Variants in PTPRN2 observed in about 807,000 individuals in gnomAD.
PTPRN2 encodes the protein receptor-type tyrosine-protein phosphatase N2.
In PTPRN2, 74 loss-of-function variants were observed where a neutral mutation model predicts 118.8. The observed-to-expected ratio is 0.62, with a 90% confidence interval of 0.52 to 0.76. The LOEUF is 0.76. PTPRN2 is among the 30% of genes least tolerant of loss of function. The probability of loss-of-function intolerance (pLI) is 0.00; values close to 1 mark genes in which losing one functional copy is unlikely to be tolerated. For missense variants in PTPRN2, 1,481 were observed against 1,394.4 expected (o/e 1.06, Z -0.99); for synonymous variants, 641 against 608.0 (o/e 1.05, Z -0.80).
chr7:157,782,191 G>A (rs1377569044), intron 12 of PTPRN2, among the ~76,000 whole-genome samples: 1 of 152,256 alleles, frequency 6.6e-6, no homozygotes, highest in East Asian at 1.9e-4. Flanking sequence ...CGGCCACAGA[G>A]GTGTGCAGTG....
chr7:158,312,000 C>T (rs1801802018), intron 3 of PTPRN2, among the ~76,000 whole-genome samples: 1 of 151,990 alleles, frequency 6.6e-6, no homozygotes, highest in Non-Finnish European at 1.5e-5. Flanking sequence ...CACACATGCA[C>T]ACACACCTGC....
Position 158,587,768 on chromosome 7 carries a change from C to T in PTPRN2, c.-99G>A. 3 of 1,024,708 alleles carry T rather than the reference C, an allele frequency of 2.9e-6. No individual in the cohort carries two copies. Among genetic ancestry groups the T allele is most frequent in the Non-Finnish European group, 3.5e-6 (3 of 855,668 alleles). The allele number at this position is 1,024,708 out of a possible 1,614,324, so 63.5% of individuals were successfully genotyped here. A position where few individuals can be genotyped will look rare whatever the true frequency, so the allele number is the denominator to read the frequency against. On this transcript the variant is annotated 5_prime_UTR_variant, in exon 1 of 23. Coordinates refer to ENST00000389418, the MANE Select transcript of PTPRN2 (RefSeq NM_002847.5). Reference sequence around the variant, plus strand: ...AGGGAGGCGCGCGCCGCCGGCTCCTCCCGCCGCGCCTCTCGCGCTCTTGCG... The same window carrying T: ...AGGGAGGCGCGCGCCGCCGGCTCCTTCCGCCGCGCCTCTCGCGCTCTTGCG...
At chr7:158,341,305 G>A (rs1429922349) in intron 2 of PTPRN2, among the ~76,000 whole-genome samples, 3 of 149,108 alleles carry the variant, frequency 2.0e-5, no homozygotes, top group East Asian at 2.0e-4. Flanking sequence ...GCCCATAGAC[G>A]TCACTCACAC....
chr7:157,653,114 C>G (rs535613900), intron 14 of PTPRN2, among the ~76,000 whole-genome samples: 3 of 152,332 alleles, frequency 2.0e-5, no homozygotes, highest in South Asian at 2.1e-4. Context: ...GCCTGCCCCC[C>G]AGACGGTGCA....
intron 16 of PTPRN2, among the ~76,000 whole-genome samples, chr7:157,602,859 C>T (rs1362229945): frequency 6.6e-6 from 1 of 152,266 alleles, no homozygotes; most frequent in African/African-American, 2.4e-5. Flanking sequence ...AACTTTGGGA[C>T]ACCGTAGGGT....
intron 9 of PTPRN2, among the ~76,000 whole-genome samples, chr7:158,120,173 G>A (rs1311550264): frequency 6.6e-6 from 1 of 152,174 alleles, no homozygotes; most frequent in African/African-American, 2.4e-5. Flanking sequence ...ACAGAGTAGA[G>A]TGAAGGCTGC....
chr7:157,791,330 A>G (rs1259371102), intron 12 of PTPRN2, among the ~76,000 whole-genome samples: 1 of 152,268 alleles, frequency 6.6e-6, no homozygotes, highest in African/African-American at 2.4e-5. Flanking sequence ...GTTTGAAAAC[A>G]GAACAGAACA....
At chr7:158,201,806 C>T (rs1025411958) in intron 4 of PTPRN2, among the ~76,000 whole-genome samples, 2 of 152,134 alleles carry the variant, frequency 1.3e-5, no homozygotes, top group African/African-American at 2.4e-5. Context: ...GCCTGGAAGC[C>T]CCTGCTTTGA....
rs577173890 is a variant in PTPRN2 at position 158,188,735 on chromosome 7, G to A, written c.549+3592C>T. Among the ~76,000 whole-genome samples, 13 of 143,460 alleles carry A rather than the reference G, an allele frequency of 9.1e-5. No individual in the cohort carries two copies. The East Asian group carries it at 1.3e-3, about 14-fold the overall frequency. The allele number at this position is 143,460 out of a possible 152,430, so 94.1% of individuals were successfully genotyped here. ...CTGTAGGGGGAAGGCCGCCACGCTC[G>A]CCGCCTTGTATGGGGAAGGCCGCCA... On this transcript the variant is annotated intron_variant, in intron 5 of 22. Transcript: ENST00000389418.
chr7:158,222,228 A>G (rs1828430235), intron 3 of PTPRN2, among the ~76,000 whole-genome samples: 1 of 152,216 alleles, frequency 6.6e-6, no homozygotes, highest in Non-Finnish European at 1.5e-5. Context: ...GTATGGGCAT[A>G]TAGCCAAAGG....
chr7:158,070,123 T>C (rs556912766), intron 11 of PTPRN2, among the ~76,000 whole-genome samples: 54 of 152,332 alleles, frequency 3.5e-4, no homozygotes, highest in African/African-American at 1.1e-3. Context: ...CTGACCTAGA[T>C]TGGTGCCTAA....
chr7:157,928,487 C>T (rs142083817), intron 11 of PTPRN2, among the ~76,000 whole-genome samples: 21 of 152,220 alleles, frequency 1.4e-4, no homozygotes, highest in Non-Finnish European at 2.2e-4. Context: ...TTCAGGAAAG[C>T]CTCAACTGGC....
At chr7:157,908,267 A>G (rs966352494) in intron 11 of PTPRN2, among the ~76,000 whole-genome samples, 3 of 152,220 alleles carry the variant, frequency 2.0e-5, no homozygotes, top group African/African-American at 7.2e-5. Flanking sequence ...CCCTGCGCCC[A>G]GCACTTCTGC....
At chr7:157,802,142 G>A (rs1382601450) in intron 12 of PTPRN2, among the ~76,000 whole-genome samples, 1 of 152,212 alleles carries the variant, frequency 6.6e-6, no homozygotes, top group South Asian at 2.1e-4. Flanking sequence ...TGAGTGTGCA[G>A]CGTGGTACTG....
intron 3 of PTPRN2, among the ~76,000 whole-genome samples, chr7:158,297,223 C>T (rs1031937589): frequency 3.9e-5 from 6 of 152,238 alleles, no homozygotes; most frequent in Non-Finnish European, 8.8e-5. Context: ...ATGACTTTCT[C>T]TTCATTTCAG....
intron 11 of PTPRN2, among the ~76,000 whole-genome samples, chr7:158,048,477 A>G (rs1443931860): frequency 1.3e-5 from 2 of 152,126 alleles, no homozygotes; most frequent in African/African-American, 2.4e-5. Flanking sequence ...GGAATAATGT[A>G]TATCCCTATC....
intron 3 of PTPRN2, among the ~76,000 whole-genome samples, chr7:158,291,011 A>AGAG: frequency 6.6e-6 from 1 of 152,324 alleles, no homozygotes; most frequent in East Asian, 1.9e-4. Flanking sequence ...GCTCTTTGAC[A>AGAG]GAGGAGGAGG....
At chr7:157,947,825 T>C (rs1167278375) in intron 11 of PTPRN2, among the ~76,000 whole-genome samples, 3 of 152,210 alleles carry the variant, frequency 2.0e-5, no homozygotes, top group African/African-American at 7.2e-5. Context: ...CAATTCATCT[T>C]GTACTTGAGA....
chr7:158,023,728 G>T (rs553900571), intron 11 of PTPRN2, among the ~76,000 whole-genome samples: 2 of 152,164 alleles, frequency 1.3e-5, no homozygotes, highest in Non-Finnish European at 1.5e-5. Flanking sequence ...TGCCCAGTTT[G>T]TCATCTCCTC....
Sources: gnomAD v4.1 joint callset for allele counts (sites outside exome capture counted in the v4.1 genomes callset) on GRCh38, gnomAD v4.1.1 for gene constraint, MANE v1.5 for transcripts, NCBI Gene and HGNC (gene_info 2026-07-23, HGNC 2026-07-21) for gene names.